The following WNT5A variants were observed in gnomAD, a reference collection of about 807,000 sequenced individuals.
WNT5A encodes protein Wnt-5a.
A neutral mutation model predicts 42.1 loss-of-function variants in WNT5A; 9 were observed. The ratio of observed to expected loss-of-function variants is 0.21; its 90% CI spans 0.13 to 0.37. WNT5A has a LOEUF of 0.37. Ranked by LOEUF, WNT5A falls within the 10% of genes least tolerant of loss-of-function variation. WNT5A has a pLI of 1.00. For synonymous variants in WNT5A, 210 were observed against 210.0 expected (o/e 1.00, Z 0.00); for missense variants, 426 against 534.0 (o/e 0.80, Z 1.99).
At position 55,470,036 on chromosome 3, in the gene WNT5A, T is replaced by C; in HGVS notation, c.*56A>G. On this transcript the variant is annotated 3_prime_UTR_variant, in exon 5 of 5. Transcript: ENST00000264634. ...TAAAAACCAAAAACCAGAATCACTG[T>C]ACTTTCTATAAATAAGCGGGTCCTG... The C allele has an allele frequency of 1.9e-6, 3 of 1,606,666 alleles. No homozygotes were observed. The highest frequency in any genetic ancestry group is 1.3e-5 in the African/African-American group (1 of 74,926).
Position 55,474,577 on chromosome 3 carries a change from G to T in WNT5A, c.444C>A (p.Asn148Lys). The T allele has an allele frequency of 1.3e-6, 2 of 1,500,464 alleles. No individual in the cohort carries two copies. The highest frequency in any genetic ancestry group is 1.3e-5 in the South Asian group (1 of 74,832). The allele number at this position is 1,500,464 out of a possible 1,614,324, so 92.9% of individuals were successfully genotyped here. The change falls in exon 4 of 5, where the codon AAC becomes AAA. Residue 148 changes from asparagine to lysine, a missense_variant. Asn to Lys is a moderately conservative substitution (Grantham distance 94, BLOSUM62 0). Around this residue, in one of 3 missense-constraint regions of WNT5A, gnomAD observed 358 missense variants for 468.1 expected, o/e 0.76. Coordinates refer to ENST00000264634, the MANE Select transcript of WNT5A (RefSeq NM_003392.7). The stretch of plus-strand genomic sequence containing the variant: ...CCTCGCGGCACGCCCGGCTCATGGC[G>T]TTCACCACCCCTGCTGCGCTCACCG... ...TYAVSAAGVV[N>K]AMSRACREGE...
At chr3:55,494,060 G>A (rs1255723342), upstream of WNT5A, 1 of 152,200 alleles carries the variant, frequency 6.6e-6, no homozygotes, top group South Asian at 2.1e-4. Flanking sequence ...TACATGCTGG[G>A]TTTAGAAGAA....
intron 3 of WNT5A, 54 bp from the exon 4 acceptor site, chr3:55,474,683 A>T: frequency 9.3e-4 from 290 of 312,724 alleles, no homozygotes; most frequent in Middle Eastern, 1.3e-3. Flanking sequence ...CTGGGCCGGG[A>T]TGCTGCCGGG....
At chr3:55,480,654 A>C in intron 2 of WNT5A, 131 bp downstream of exon 2, 1 of 972,498 alleles carries the variant, frequency 1.0e-6, no homozygotes, top group Non-Finnish European at 1.4e-6. Flanking sequence ...ATATATAAGT[A>C]AAATGTATAC....
intron 1 of WNT5A, among the ~76,000 whole-genome samples, chr3:55,485,336 C>T (rs1018212341): frequency 1.6e-4 from 25 of 152,104 alleles, no homozygotes; most frequent in African/African-American, 6.0e-4. Flanking sequence ...GCGCATAGTG[C>T]TAACCCCTTG....
chr3:55,500,093 A>T, the WNT5A span, among the ~76,000 whole-genome samples: 1 of 152,130 alleles, frequency 6.6e-6, no homozygotes, highest in Non-Finnish European at 1.5e-5. Flanking sequence ...AGGCAGGGCC[A>T]CAGAGTTGGG....
chr3:55,470,367 G>C lies in WNT5A; in HGVS notation c.868C>G (p.Arg290Gly), dbSNP rs2051225348. 1.9e-6 allele frequency: 3 copies of C among 1,614,002 alleles called. No individual in the cohort carries two copies. Among genetic ancestry groups the C allele is most frequent in the Non-Finnish European group, 2.5e-6 (3 of 1,179,888 alleles). Reference protein sequence around the residue: ...SRGKLVQVNSRFNSPTTQDLV... With the variant: ...SRGKLVQVNSGFNSPTTQDLV... ...TCTTGTGTGGTGGGCGAGTTGAAGCGGCTGTTGACCTGTACCAACTTGCCC... is the reference window on the plus strand; with the variant it reads ...TCTTGTGTGGTGGGCGAGTTGAAGCCGCTGTTGACCTGTACCAACTTGCCC... The change falls in exon 5 of 5, where the codon CGC (arginine) becomes GGC (glycine). Residue 290 changes from arginine to glycine, a missense_variant. By Grantham distance (125) the Arg-to-Gly change is moderately radical. Coordinates refer to ENST00000264634, the MANE Select transcript of WNT5A (RefSeq NM_003392.7).
intron 1 of WNT5A, among the ~76,000 whole-genome samples, chr3:55,481,956 C>T (rs1420141977): frequency 6.6e-6 from 1 of 152,244 alleles, no homozygotes; most frequent in Non-Finnish European, 1.5e-5. Context: ...CCCAGAGAGA[C>T]TCCAGTTTCC....
Position 55,480,845 on chromosome 3 carries a change from A to T in WNT5A, c.80T>A (p.Leu27Gln). The T allele has an allele frequency of 6.3e-7, 1 of 1,587,608 alleles. No individual in the cohort carries two copies. Among genetic ancestry groups the T allele is most frequent in the Non-Finnish European group, 8.6e-7 (1 of 1,165,596 alleles). ...AGSAMSSKFFLVALAIFFSFA... is the reference protein window; with the variant it reads ...AGSAMSSKFFQVALAIFFSFA... ...GGAGAAAAATATGGCCAAAGCCACT[A>T]GGAAGAACTTGGAAGACATTGCACT... The change falls in exon 2 of 5, where the codon CTA (leucine) becomes CAA (glutamine). Residue 27 changes from leucine to glutamine, a missense_variant. Transcript: ENST00000264634.
chr3:55,481,292 C>G, intron 1 of WNT5A: 1 of 993,358 alleles, frequency 1.0e-6, no homozygotes, highest in Non-Finnish European at 1.2e-6. Flanking sequence ...GTAATTCACT[C>G]AGGAACCCGC....
At chr3:55,493,351 C>A (rs2051682016), upstream of WNT5A, among the ~76,000 whole-genome samples, 1 of 152,222 alleles carries the variant, frequency 6.6e-6, no homozygotes, top group Non-Finnish European at 1.5e-5. Context: ...CCTCTGCCTG[C>A]AACGCTGTCC....
intron 3 of WNT5A, among the ~76,000 whole-genome samples, chr3:55,478,448 C>CT (rs1194289636): frequency 1.3e-5 from 2 of 152,126 alleles, no homozygotes; most frequent in East Asian, 1.9e-4. Context: ...ATTATAAGGG[C>CT]TTTTTTGCAT....
rs1575398746 is a variant in WNT5A, at chr3:55,474,638, G to A, written c.392-9C>T. On this transcript the variant is annotated splice_polypyrimidine_tract_variant and intron_variant, in intron 3 of 4. Transcript: ENST00000264634. ...GGCCGTCTCGCGGCTGCCTGTGGGT[G>A]AGGACAAGGGATCACTGGCCGCCTG... 7.2e-7 allele frequency: 1 copy of A among 1,395,792 alleles called. No individual in the cohort carries two copies. The highest frequency in any genetic ancestry group is 2.5e-4 in the Middle Eastern group (1 of 4,030). 86.5% of individuals were successfully genotyped at this position (1,395,792 alleles called of 1,614,324 possible). A position where few individuals can be genotyped will look rare whatever the true frequency, so the allele number is the denominator to read the frequency against.
At chr3:55,486,891 G>C (rs973922164) in intron 1 of WNT5A, 89 bp downstream of exon 1, 1 of 911,118 alleles carries the variant, frequency 1.1e-6, no homozygotes, top group Admixed American at 1.8e-5. Context: ...GAAATGGAGG[G>C]ATAGGAAGAG....
At chr3:55,504,732 G>T in the WNT5A span, among the ~76,000 whole-genome samples, 1 of 152,292 alleles carries the variant, frequency 6.6e-6, no homozygotes. Flanking sequence ...CCAAATTGCT[G>T]GGATTACAGG....
upstream of WNT5A, among the ~76,000 whole-genome samples, chr3:55,493,228 T>A (rs1407474672): frequency 6.6e-6 from 1 of 152,224 alleles, no homozygotes; most frequent in Non-Finnish European, 1.5e-5. Flanking sequence ...TCATGTCACA[T>A]CTCTGCTTAA....
At chr3:55,494,211 A>G (rs952479927), upstream of WNT5A, among the ~76,000 whole-genome samples, 1 of 152,228 alleles carries the variant, frequency 6.6e-6, no homozygotes, top group Non-Finnish European at 1.5e-5. Context: ...TGTCAATATT[A>G]TATGTCTAAA....
chr3:55,475,430 A>G (rs1296610339), intron 3 of WNT5A, among the ~76,000 whole-genome samples: 1 of 152,136 alleles, frequency 6.6e-6, no homozygotes, highest in African/African-American at 2.4e-5. Flanking sequence ...CTCTTCCTTC[A>G]TGCAGCAGAA....
intron 3 of WNT5A, among the ~76,000 whole-genome samples, chr3:55,476,484 A>C (rs2051360359): frequency 6.6e-6 from 1 of 152,204 alleles, no homozygotes; most frequent in South Asian, 2.1e-4. Flanking sequence ...GGGGATTTGT[A>C]GAACAAAGTA....
Sources: allele counts gnomAD v4.1 joint callset (sites outside exome capture counted in the v4.1 genomes callset), GRCh38; gene constraint gnomAD v4.1.1; regional missense constraint gnomAD v4.1.1; transcripts MANE v1.5; gene names NCBI Gene and HGNC (gene_info 2026-07-23, HGNC 2026-07-21).